The following SGSM1 variants were observed in gnomAD, a reference collection of about 807,000 sequenced individuals.
SGSM1 encodes the protein RUN and TBC1 domain containing 2.
A neutral mutation model predicts 133.8 loss-of-function variants in SGSM1; 73 were observed. That is an observed-to-expected ratio of 0.55 (90% CI 0.45 to 0.66). The LOEUF is 0.66. Among genes scored for constraint, SGSM1 ranks in the 30% least tolerant of loss-of-function variants. The pLI is 0.00. For missense variants in SGSM1, 1,213 were observed against 1,448.1 expected (o/e 0.84, Z 2.64); for synonymous variants, 563 against 573.0 (o/e 0.98, Z 0.25).
chr22:24,898,378 A>C lies in SGSM1; in HGVS notation c.2429A>C (p.Asp810Ala). The change falls in exon 19 of 25, where the codon GAC (aspartate) becomes GCC (alanine). Residue 810 changes from aspartate to alanine, a missense_variant. By Grantham distance (126) the Asp-to-Ala change is moderately radical. Coordinates refer to ENST00000400358, the MANE Select transcript of SGSM1 (RefSeq NM_001098497.3). The part of the protein sequence containing the change: ...GSLDMALPEK[D>A]DVVMEGWRSS... ...CTGGACATGGCCCTGCCTGAAAAGG[A>C]CGATGTTGTGATGGAGGGCTGGAGG... 1 of 1,613,758 alleles carries C rather than the reference A, an allele frequency of 6.2e-7. No homozygotes were observed. Among genetic ancestry groups the C allele is most frequent in the Non-Finnish European group, 8.5e-7 (1 of 1,179,832 alleles).
chr22:24,817,280 G>A (rs1362580362), intron 2 of SGSM1, among the ~76,000 whole-genome samples: 1 of 152,110 alleles, frequency 6.6e-6, no homozygotes, highest in Non-Finnish European at 1.5e-5. Context: ...TATTCTACGG[G>A]TGTGCAAATC....
At chr22:24,898,697 C>A in intron 19 of SGSM1, 138 bp downstream of exon 19, 1 of 808,340 alleles carries the variant, frequency 1.2e-6, no homozygotes, top group Non-Finnish European at 1.9e-6. Context: ...GGAGGATTCA[C>A]TGTAGAAACC....
At chr22:24,859,993 G>A (rs958707192) in intron 9 of SGSM1, 153 bp downstream of exon 9, 11 of 1,051,152 alleles carry the variant, frequency 1.0e-5, no homozygotes, top group East Asian at 2.5e-5. Context: ...CAGCCTCCCC[G>A]CAGCTGTGGC....
intron 4 of SGSM1, among the ~76,000 whole-genome samples, chr22:24,848,186 G>A (rs1357719508): frequency 2.6e-5 from 4 of 151,570 alleles, no homozygotes; most frequent in Non-Finnish European, 5.9e-5. Flanking sequence ...CATGAGAGCA[G>A]GCAACTAGAT....
chr22:24,828,683 A>G (rs1928933598), intron 2 of SGSM1, among the ~76,000 whole-genome samples: 1 of 152,242 alleles, frequency 6.6e-6, no homozygotes. Flanking sequence ...TCAAAGACCT[A>G]AAGACAGAAA....
chr22:24,812,735 G>C lies in SGSM1; in HGVS notation c.63+6251G>C, dbSNP rs540628378. Among the ~76,000 whole-genome samples, 10 of 152,240 alleles carry C rather than the reference G, an allele frequency of 6.6e-5. No homozygotes were observed. In the East Asian group the frequency reaches 1.9e-3, roughly 29 times the overall value. ...CTAATAGCAGGGACCAGGATAGACA[G>C]TTTCTGCCAACTCTTAGAAGAAAAC... On this transcript the variant is annotated intron_variant, in intron 2 of 24. Transcript: ENST00000400358.
chr22:24,875,601 C>T (rs1379953462), intron 12 of SGSM1, among the ~76,000 whole-genome samples: 1 of 150,222 alleles, frequency 6.7e-6, no homozygotes, highest in African/African-American at 2.5e-5. Flanking sequence ...GACCACGCCA[C>T]TGCACTCCAG....
chr22:24,808,142 C>G (rs753992703), intron 2 of SGSM1, among the ~76,000 whole-genome samples: 28 of 134,896 alleles, frequency 2.1e-4, no homozygotes, highest in Non-Finnish European at 4.1e-4. Context: ...GAGACGGAGT[C>G]TCGCTCTGTT....
At chr22:24,847,377 T>C (rs1035689698) in intron 3 of SGSM1, among the ~76,000 whole-genome samples, 4 of 152,064 alleles carry the variant, frequency 2.6e-5, no homozygotes, top group African/African-American at 9.7e-5. Flanking sequence ...GTCACAAGAA[T>C]TAGGAAAGGT....
chr22:24,888,490 G>A (rs1045635885), intron 16 of SGSM1, among the ~76,000 whole-genome samples: 5 of 152,090 alleles, frequency 3.3e-5, no homozygotes, highest in East Asian at 1.9e-4. Context: ...AGCTGGGGCC[G>A]GGCACGGTGG....
chr22:24,833,379 G>T (rs1929231659), intron 2 of SGSM1, among the ~76,000 whole-genome samples: 1 of 151,888 alleles, frequency 6.6e-6, no homozygotes, highest in South Asian at 2.1e-4. Flanking sequence ...CCACATGTGG[G>T]CCAGGCGCGG....
chr22:24,916,421 G>A (rs896816586), intron 22 of SGSM1, among the ~76,000 whole-genome samples: 7 of 152,138 alleles, frequency 4.6e-5, no homozygotes, highest in East Asian at 1.9e-4. Context: ...GGCCAGGCAC[G>A]GTGGCTCACT....
chr22:24,851,529 G>A (rs1409642870), intron 5 of SGSM1, among the ~76,000 whole-genome samples: 4 of 151,542 alleles, frequency 2.6e-5, no homozygotes, highest in Non-Finnish European at 4.4e-5. Context: ...GAAAGTGCTG[G>A]CTTAACCACA....
chr22:24,844,680 C>T lies in SGSM1; in HGVS notation c.64-217C>T, dbSNP rs186238830. 181 of 549,868 alleles carry T rather than the reference C, an allele frequency of 3.3e-4. 1 individual carries two copies. The highest frequency in any genetic ancestry group is 2.8e-3 in the African/African-American group (147 of 52,738). The allele number at this position is 549,868 out of a possible 1,614,324, so 34.1% of individuals were successfully genotyped here. On this transcript the variant is annotated intron_variant, in intron 2 of 24. Coordinates refer to ENST00000400358, the MANE Select transcript of SGSM1 (RefSeq NM_001098497.3). ...AAGCAGCAGCCTGCTGTGTGAAGAA[C>T]CTGAACGAATAATTGATAAAATGAG...
intron 12 of SGSM1, among the ~76,000 whole-genome samples, chr22:24,875,564 C>T (rs1931985923): frequency 6.6e-6 from 1 of 150,848 alleles, no homozygotes; most frequent in African/African-American, 2.4e-5. Context: ...GGCGTGAACC[C>T]AGGAGGCGGA....
rs535610385 is a variant in SGSM1, at chr22:24,889,411, C to CTT, written c.1770+2698_1770+2699dup. 1.8e-3 allele frequency among the ~76,000 whole-genome samples: 242 copies of CTT among 136,854 alleles called. 4 individuals carry two copies. Among genetic ancestry groups the CTT allele is most frequent in the African/African-American group, 5.2e-3 (195 of 37,194 alleles). The allele number at this position is 136,854 out of a possible 152,430, so 89.8% of individuals were successfully genotyped here. Reference sequence around the variant, plus strand: ...CTTTATCACGTTATTAAATGTATTTCTTTTTTTTTTTTTTTTGAGGCAGAG... The same window carrying CTT: ...CTTTATCACGTTATTAAATGTATTTCTTTTTTTTTTTTTTTTTTGAGGCAGAG... On this transcript the variant is annotated intron_variant, in intron 16 of 24. Transcript: ENST00000400358.
rs373776159 is a variant in SGSM1, at chr22:24,847,650, C to T, written c.156C>T (p.Cys52=). ...IISFCAAVEA[C]VLHGLRRRAA... Reference sequence around the variant, plus strand: ...TCCCTGCAGCGGCTGTGGAGGCCTGCGTTCTGCACGGGCTTCGGCGGCGGG... The same window carrying T: ...TCCCTGCAGCGGCTGTGGAGGCCTGTGTTCTGCACGGGCTTCGGCGGCGGG... Residue 52 remains cysteine, a synonymous_variant, in exon 4 of 25, where the codon TGC becomes TGT. Coordinates refer to ENST00000400358, the MANE Select transcript of SGSM1 (RefSeq NM_001098497.3). 1.1e-5 allele frequency: 17 copies of T among 1,613,338 alleles called. No individual in the cohort carries two copies. The highest frequency in any genetic ancestry group is 5.0e-5 in the Admixed American group (3 of 59,968).
intron 2 of SGSM1, among the ~76,000 whole-genome samples, chr22:24,823,963 T>C (rs2330929): frequency 0.34 from 51,612 of 152,124 alleles, 9,317 homozygotes; most frequent in East Asian, 0.68. Context: ...GATGCTGATA[T>C]CACCCATTTC....
rs565761080 is a variant in SGSM1 at position 24,848,501 on chromosome 22, A to G, written c.302+705A>G. On this transcript the variant is annotated intron_variant, in intron 4 of 24. Coordinates refer to ENST00000400358, the MANE Select transcript of SGSM1 (RefSeq NM_001098497.3). Reference sequence around the variant, plus strand: ...CTCCCTCATCTTGGTGACTGGTGGTATGTGTTGGGGGAGGCTCATGGACAG... The same window carrying G: ...CTCCCTCATCTTGGTGACTGGTGGTGTGTGTTGGGGGAGGCTCATGGACAG... Among the ~76,000 whole-genome samples the G allele has an allele frequency of 2.6e-4, 40 of 152,048 alleles. No homozygotes were observed. The South Asian group carries it at 8.1e-3, about 31-fold the overall frequency.
Sources: gnomAD v4.1 joint callset for allele counts (sites outside exome capture counted in the v4.1 genomes callset) on GRCh38, gnomAD v4.1.1 for gene constraint, MANE v1.5 for transcripts, NCBI Gene and HGNC (gene_info 2026-07-23, HGNC 2026-07-21) for gene names.